Variants in IFT56 observed in about 807,000 individuals in gnomAD.
The protein encoded by IFT56 is intraflagellar transport 56.
At chr7:139,187,309 T>A in the IFT56 span, 1 of 1,434,852 alleles carries the variant, frequency 7.0e-7, no homozygotes, top group Non-Finnish European at 9.5e-7. Flanking sequence ...CCCATGCACT[T>A]ATTTCATACA....
At chr7:139,168,711 T>A in the IFT56 span, 1 of 344,950 alleles carries the variant, frequency 2.9e-6, no homozygotes, top group South Asian at 3.6e-5. Context: ...CGACTTTTTT[T>A]AAACTTACAT....
chr7:139,147,258 A>G, the IFT56 span: 2 of 1,613,012 alleles, frequency 1.2e-6, no homozygotes, highest in Non-Finnish European at 1.7e-6. Context: ...AAGAAGCTAT[A>G]GATATATATA....
chr7:139,154,282 T>G, the IFT56 span, among the ~76,000 whole-genome samples: 2 of 152,084 alleles, frequency 1.3e-5, no homozygotes, highest in East Asian at 1.9e-4. Flanking sequence ...ATCCTATAGA[T>G]TTTTTCATTT....
the IFT56 span, among the ~76,000 whole-genome samples, chr7:139,174,464 A>T: frequency 6.6e-6 from 1 of 152,130 alleles, no homozygotes; most frequent in Non-Finnish European, 1.5e-5. Flanking sequence ...TGGCCCAAAG[A>T]TTTCTTGAGT....
the IFT56 span, chr7:139,148,320 C>T: frequency 3.1e-6 from 5 of 1,614,010 alleles, no homozygotes; most frequent in East Asian, 2.2e-5. Flanking sequence ...ATAGTACCAT[C>T]GCACTCAATC....
chr7:139,158,971 G>T, the IFT56 span, among the ~76,000 whole-genome samples: 1 of 152,010 alleles, frequency 6.6e-6, no homozygotes, highest in Admixed American at 6.6e-5. Context: ...GCTTCATCAT[G>T]GTTCATTCTT....
chr7:139,138,938 G>A, the IFT56 span, among the ~76,000 whole-genome samples: 1 of 151,804 alleles, frequency 6.6e-6, no homozygotes, highest in African/African-American at 2.4e-5. Context: ...AGCCTCCTGA[G>A]TAGCTGGGAC....
chr7:139,168,568 A>C, the IFT56 span: 1 of 538,658 alleles, frequency 1.9e-6, no homozygotes, highest in Non-Finnish European at 3.2e-6. Context: ...TTATTTAGAG[A>C]CAAAAAAAAA....
chr7:139,181,398 AAAT>A, the IFT56 span, among the ~76,000 whole-genome samples: 1 of 152,250 alleles, frequency 6.6e-6, no homozygotes. Context: ...CATGTATATG[AAAT>A]AATTATTTAG....
chr7:139,172,145 ATT>A, the IFT56 span, among the ~76,000 whole-genome samples: 6,704 of 148,038 alleles, frequency 0.045, 283 homozygotes, highest in African/African-American at 0.11. Flanking sequence ...AAAAAAAAAA[ATT>A]ACTTAATGCT....
At chr7:139,172,793 G>C in the IFT56 span, 1 of 643,522 alleles carries the variant, frequency 1.6e-6, no homozygotes. Flanking sequence ...CTTCAGGACA[G>C]GACCTCGTTC....
the IFT56 span, among the ~76,000 whole-genome samples, chr7:139,168,903 C>T: frequency 6.6e-6 from 1 of 152,100 alleles, no homozygotes; most frequent in Non-Finnish European, 1.5e-5. Context: ...GTTCATTCTG[C>T]AGTGCCTTGT....
the IFT56 span, among the ~76,000 whole-genome samples, chr7:139,182,003 A>G: frequency 6.6e-6 from 1 of 152,146 alleles, no homozygotes; most frequent in African/African-American, 2.4e-5. Flanking sequence ...CAAATGGCAG[A>G]CAGGAAAGAC....
chr7:139,177,104 G>A, the IFT56 span, among the ~76,000 whole-genome samples: 21 of 150,664 alleles, frequency 1.4e-4, no homozygotes, highest in African/African-American at 4.4e-4. Flanking sequence ...CCCGGGAGAC[G>A]AAGGTTGCAG....
chr7:139,141,439 C>A, the IFT56 span, among the ~76,000 whole-genome samples: 1 of 152,072 alleles, frequency 6.6e-6, no homozygotes, highest in Non-Finnish European at 1.5e-5. Context: ...CAAAGCCTTT[C>A]TTGATTTGTA....
chr7:139,148,458 G>A, the IFT56 span: 1 of 1,346,500 alleles, frequency 7.4e-7, no homozygotes, highest in South Asian at 1.4e-5. Flanking sequence ...ATGAAACTCT[G>A]TTATCTGTAA....
chr7:139,134,636 G>C, the IFT56 span: 3 of 1,597,838 alleles, frequency 1.9e-6, no homozygotes, highest in Non-Finnish European at 1.7e-6. Flanking sequence ...CCATACAGCT[G>C]TCTTTGTTTC....
chr7:139,191,410 G>T, the IFT56 span: 32 of 152,296 alleles, frequency 2.1e-4, no homozygotes, highest in Non-Finnish European at 3.8e-4. Context: ...TAATAGAAAA[G>T]ACAGGGAGAA....
chr7:139,140,013 G>T, the IFT56 span: 1 of 1,529,064 alleles, frequency 6.5e-7, no homozygotes, highest in South Asian at 1.2e-5. Context: ...AGGTAAAGGG[G>T]CTCTTATATC....
Sources: gnomAD v4.1 joint callset for allele counts (sites outside exome capture counted in the v4.1 genomes callset) on GRCh38, gnomAD v4.1.1 for gene constraint, MANE v1.5 for transcripts, NCBI Gene and HGNC (gene_info 2026-07-23, HGNC 2026-07-21) for gene names.